URI1: variants seen among roughly 807,000 people sequenced by gnomAD.
URI1 encodes the protein URI1 prefoldin like chaperone, also known as unconventional prefoldin RPB5 interactor 1.
Under a neutral mutation model 60.2 loss-of-function variants are expected in URI1, and 39 were observed. The ratio of observed to expected loss-of-function variants is 0.65; its 90% CI spans 0.50 to 0.85. The LOEUF is 0.85. URI1 is among the 40% of genes least tolerant of loss of function. URI1 has a pLI of 0.00. For missense variants in URI1, 691 were observed against 665.9 expected, an observed-to-expected ratio of 1.04 and a Z score of -0.42; for synonymous variants, 251 against 236.8, an observed-to-expected ratio of 1.06 and a Z score of -0.55.
chr19:29,973,337 G>A (rs2055482077), intron 2 of URI1, among the ~76,000 whole-genome samples: 1 of 152,236 alleles, frequency 6.6e-6, no homozygotes, highest in East Asian at 1.9e-4. Flanking sequence ...GGAGTTCAGA[G>A]GCTGGAGCCG....
chr19:29,933,573 C>A (rs568157895), intron 1 of URI1, among the ~76,000 whole-genome samples: 1 of 152,060 alleles, frequency 6.6e-6, no homozygotes. Context: ...GTAATCCTAG[C>A]ACTTTTGGAG....
chr19:29,929,902 G>A (rs1435770559), intron 1 of URI1, among the ~76,000 whole-genome samples: 7 of 149,630 alleles, frequency 4.7e-5, no homozygotes, highest in South Asian at 2.1e-4. Flanking sequence ...GTTTCTTCTC[G>A]TTCTGTGTGT....
chr19:29,987,108 A>G (rs2055681526), intron 4 of URI1, among the ~76,000 whole-genome samples: 1 of 152,192 alleles, frequency 6.6e-6, no homozygotes, highest in Non-Finnish European at 1.5e-5. Flanking sequence ...GCTTAGTTAT[A>G]TTTTAAAATT....
At chr19:29,943,590 T>G (rs968563211) in intron 1 of URI1, among the ~76,000 whole-genome samples, 1 of 152,200 alleles carries the variant, frequency 6.6e-6, no homozygotes, top group Non-Finnish European at 1.5e-5. Context: ...AACTTTTTAA[T>G]TGAACATTCC....
At chr19:29,969,469 A>G (rs2055431535) in intron 1 of URI1, among the ~76,000 whole-genome samples, 2 of 152,204 alleles carry the variant, frequency 1.3e-5, no homozygotes, top group Admixed American at 1.3e-4. Context: ...ATAACCTTTA[A>G]CACCGTCACT....
rs963035500 is a variant in URI1 at position 30,016,163 on chromosome 19, C to A, written c.*1094C>A. The stretch of plus-strand genomic sequence containing the variant: ...AATATTTAAAGGTTATTTATAGCTT[C>A]TTTAATGAATTCTTCTTAAACAAAG... On this transcript the variant is annotated 3_prime_UTR_variant, in exon 11 of 11. Coordinates refer to ENST00000392271, the MANE Select transcript of URI1 (RefSeq NM_003796.3). 1 of 152,076 alleles carries A rather than the reference C, an allele frequency of 6.6e-6. No individual in the cohort carries two copies. Among genetic ancestry groups the A allele is most frequent in the East Asian group, 1.9e-4 (1 of 5,200 alleles). The allele number at this position is 152,076 out of a possible 1,614,324, so 9.4% of individuals were successfully genotyped here. A position where few individuals can be genotyped will look rare whatever the true frequency, so the allele number is the denominator to read the frequency against.
intron 1 of URI1, among the ~76,000 whole-genome samples, chr19:29,924,550 G>A (rs983536273): frequency 2.6e-5 from 4 of 152,174 alleles, no homozygotes; most frequent in African/African-American, 7.2e-5. Flanking sequence ...CTCCCACTGT[G>A]AGAACAGAGG....
intron 1 of URI1, among the ~76,000 whole-genome samples, chr19:29,943,181 G>A (rs1270068783): frequency 2.0e-5 from 3 of 151,790 alleles, no homozygotes; most frequent in African/African-American, 7.3e-5. Flanking sequence ...CTGGCCTCAA[G>A]CGATCCTCCC....
intron 2 of URI1, among the ~76,000 whole-genome samples, chr19:29,975,260 T>G (rs991552735): frequency 6.6e-6 from 1 of 152,168 alleles, no homozygotes; most frequent in Non-Finnish European, 1.5e-5. Flanking sequence ...TAATAAAAAC[T>G]ATTTTGCCTA....
intron 4 of URI1, among the ~76,000 whole-genome samples, chr19:29,990,070 T>C (rs2055726937): frequency 6.6e-6 from 1 of 152,156 alleles, no homozygotes; most frequent in Non-Finnish European, 1.5e-5. Flanking sequence ...GTTTGAGGTG[T>C]GGGGTTTAGG....
In URI1 at chr19:30,009,304, A is replaced by G. The variant is rs2055988986; in HGVS notation, c.986A>G (p.Asp329Gly). 6.2e-7 allele frequency: 1 copy of G among 1,613,974 alleles called. No individual in the cohort carries two copies. The highest frequency in any genetic ancestry group is 8.5e-7 in the Non-Finnish European group (1 of 1,179,988). Residue 329 changes from aspartate (D) to glycine (G), a missense_variant, in exon 8 of 11, where the codon GAT becomes GGT. Coordinates refer to ENST00000392271, the MANE Select transcript of URI1 (RefSeq NM_003796.3). ...GACCATGAGGCTTTAGGGGTTGGAG[A>G]TAATTCTATACCAACAATATATTTT... ...DNDHEALGVGDNSIPTIYFSH... is the reference protein window; with the variant it reads ...DNDHEALGVGGNSIPTIYFSH...
At chr19:29,972,171 G>A (rs1362264871) in intron 2 of URI1, among the ~76,000 whole-genome samples, 1 of 152,028 alleles carries the variant, frequency 6.6e-6, no homozygotes, top group Non-Finnish European at 1.5e-5. Context: ...GGTGCAATCT[G>A]TACACATCAT....
intron 1 of URI1, chr19:29,956,426 GCTGAACAGTTC>G: frequency 1.3e-6 from 2 of 1,568,408 alleles, no homozygotes; most frequent in Non-Finnish European, 1.7e-6. Flanking sequence ...TCATCAACCT[GCTGAACAGTTC>G]CTTTTTCAGA....
At chr19:29,957,554 G>C (rs1474985814) in intron 1 of URI1, among the ~76,000 whole-genome samples, 2 of 152,030 alleles carry the variant, frequency 1.3e-5, no homozygotes, top group African/African-American at 4.8e-5. Flanking sequence ...AATAGGTCTT[G>C]ATATCTAGTA....
intron 2 of URI1, among the ~76,000 whole-genome samples, chr19:29,978,931 T>C (rs1350243820): frequency 6.6e-6 from 1 of 152,192 alleles, no homozygotes; most frequent in East Asian, 1.9e-4. Flanking sequence ...GAGGTATCTA[T>C]GATTGGGCCT....
intron 1 of URI1, among the ~76,000 whole-genome samples, chr19:29,926,332 T>C (rs1303894347): frequency 6.6e-6 from 1 of 151,306 alleles, no homozygotes; most frequent in Non-Finnish European, 1.5e-5. Flanking sequence ...CAGGCTGGAG[T>C]GCAGTGGTAC....
intron 1 of URI1, among the ~76,000 whole-genome samples, chr19:29,950,468 A>G (rs1202732275): frequency 1.3e-5 from 2 of 152,242 alleles, no homozygotes; most frequent in African/African-American, 2.4e-5. Flanking sequence ...AAAAATTATA[A>G]AAGTACAGGA....
chr19:29,968,458 C>G lies in URI1; in HGVS notation c.118-2735C>G, dbSNP rs950700923. 2.0e-4 allele frequency among the ~76,000 whole-genome samples: 31 copies of G among 151,418 alleles called. 1 individual carries two copies. The East Asian group carries it at 5.8e-3, about 28-fold the overall frequency. On this transcript the variant is annotated intron_variant, in intron 1 of 10. Coordinates refer to ENST00000392271, the MANE Select transcript of URI1 (RefSeq NM_003796.3). ...ACTTAAAGTAATTAATCTGAGTCCCCTTTCAGGAGAAATAAGATTATTTAG... is the reference window on the plus strand; with the variant it reads ...ACTTAAAGTAATTAATCTGAGTCCCGTTTCAGGAGAAATAAGATTATTTAG...
At chr19:29,947,267 C>T (rs1169966762) in intron 1 of URI1, among the ~76,000 whole-genome samples, 2 of 152,242 alleles carry the variant, frequency 1.3e-5, no homozygotes, top group Non-Finnish European at 2.9e-5. Context: ...AAGAAATGGA[C>T]GGATGGAATT....
Sources: allele counts gnomAD v4.1 joint callset (sites outside exome capture counted in the v4.1 genomes callset), GRCh38; gene constraint gnomAD v4.1.1; transcripts MANE v1.5; gene names NCBI Gene and HGNC (gene_info 2026-07-23, HGNC 2026-07-21).